Variants in SNTB1 observed in about 807,000 individuals in gnomAD.
SNTB1 encodes syntrophin beta 1.
A neutral mutation model predicts 48.9 loss-of-function variants in SNTB1; 36 were observed. That is an observed-to-expected ratio of 0.74 (90% CI 0.56 to 0.97). The LOEUF (loss-of-function observed/expected upper bound fraction) is 0.97, where lower values mean the gene tolerates loss of function less well. Ranked by LOEUF, SNTB1 falls within the 50% of genes least tolerant of loss-of-function variation. The probability of loss-of-function intolerance (pLI) is 0.00; values close to 1 mark genes in which losing one functional copy is unlikely to be tolerated. For missense variants in SNTB1, 786 were observed against 703.4 expected, an observed-to-expected ratio of 1.12 and a Z score of -1.33; for synonymous variants, 299 against 294.6, an observed-to-expected ratio of 1.01 and a Z score of -0.15.
intron 1 of SNTB1, among the ~76,000 whole-genome samples, chr8:120,759,597 G>A (rs1214551444): frequency 6.6e-6 from 1 of 152,154 alleles, no homozygotes; most frequent in Non-Finnish European, 1.5e-5. Context: ...CAGTTCTCAG[G>A]AAGCGCAATA....
intron 4 of SNTB1, among the ~76,000 whole-genome samples, chr8:120,568,935 T>G (rs1815797075): frequency 6.6e-6 from 1 of 152,222 alleles, no homozygotes; most frequent in African/African-American, 2.4e-5. Flanking sequence ...GCTTTATGGT[T>G]GCATCATAGA....
intron 1 of SNTB1, among the ~76,000 whole-genome samples, chr8:120,777,469 T>C (rs753704827): frequency 6.6e-6 from 1 of 152,184 alleles, no homozygotes; most frequent in African/African-American, 2.4e-5. Flanking sequence ...GATTTTGGGT[T>C]TGAACATCTC....
At chr8:120,624,642 A>G (rs1341470681) in intron 3 of SNTB1, among the ~76,000 whole-genome samples, 3 of 152,144 alleles carry the variant, frequency 2.0e-5, no homozygotes, top group Admixed American at 2.0e-4. Flanking sequence ...CATGCAAAAT[A>G]TATTCATTCC....
At chr8:120,559,941 GAA>G (rs11353689) in intron 4 of SNTB1, among the ~76,000 whole-genome samples, 9 of 150,090 alleles carry the variant, frequency 6.0e-5, no homozygotes, top group East Asian at 2.0e-4. Flanking sequence ...ACAAAAAAAA[GAA>G]AAAAAAAACA....
In SNTB1 at chr8:120,609,420, AG is replaced by A. The variant is rs530560733; in HGVS notation, c.996+23023del. ...GGGGATCAAATGACCACCTACCAGC[AG>A]TAATCCTGCCACCAGGCAGCAGGGG... is the stretch of plus-strand genomic sequence containing the variant. On this transcript the variant is annotated intron_variant, in intron 3 of 6. Coordinates refer to ENST00000517992, the MANE Select transcript of SNTB1 (RefSeq NM_021021.4). Among the ~76,000 whole-genome samples the A allele has an allele frequency of 6.6e-5, 10 of 152,310 alleles. No homozygotes were observed. The South Asian group carries it at 2.1e-3, about 32-fold the overall frequency.
intron 1 of SNTB1, among the ~76,000 whole-genome samples, chr8:120,723,596 C>T (rs1000464664): frequency 2.0e-5 from 3 of 152,134 alleles, no homozygotes; most frequent in African/African-American, 4.8e-5. Context: ...GACACATATA[C>T]TGAAGCAGTG....
chr8:120,592,597 G>C (rs11784672), intron 3 of SNTB1, among the ~76,000 whole-genome samples: 1 of 151,942 alleles, frequency 6.6e-6, no homozygotes, highest in Admixed American at 6.6e-5. Flanking sequence ...CTATGTGCCA[G>C]ACACTGTGCT....
chr8:120,595,531 A>G (rs1816308990), intron 3 of SNTB1, among the ~76,000 whole-genome samples: 1 of 152,148 alleles, frequency 6.6e-6, no homozygotes, highest in African/African-American at 2.4e-5. Flanking sequence ...ATGGGCAACC[A>G]GGAGCCCTAG....
intron 2 of SNTB1, among the ~76,000 whole-genome samples, chr8:120,678,039 G>A (rs1817866887): frequency 6.6e-6 from 1 of 152,134 alleles, no homozygotes. Flanking sequence ...GGCCTTTATT[G>A]TGTGTTTCAT....
intron 2 of SNTB1, among the ~76,000 whole-genome samples, chr8:120,649,509 A>T (rs1188275992): frequency 7.1e-6 from 1 of 140,752 alleles, no homozygotes; most frequent in African/African-American, 2.7e-5. Context: ...CCACTTGAGG[A>T]GGCAGTCTGC....
chr8:120,783,377 T>C (rs948470327), intron 1 of SNTB1, among the ~76,000 whole-genome samples: 1 of 152,136 alleles, frequency 6.6e-6, no homozygotes, highest in Non-Finnish European at 1.5e-5. Context: ...ATGAAAGTTA[T>C]GTTATACATG....
intron 2 of SNTB1, among the ~76,000 whole-genome samples, chr8:120,634,448 A>G (rs1817040227): frequency 6.6e-6 from 1 of 152,214 alleles, no homozygotes; most frequent in South Asian, 2.1e-4. Context: ...AGAGAGGAAG[A>G]AGTAATTTAC....
intron 2 of SNTB1, among the ~76,000 whole-genome samples, chr8:120,655,760 T>G (rs1189685928): frequency 1.3e-5 from 2 of 152,224 alleles, no homozygotes; most frequent in African/African-American, 4.8e-5. Context: ...GAAGCCAGAA[T>G]CCAAGTTCCC....
chr8:120,606,820 C>T (rs1816529292), intron 3 of SNTB1, among the ~76,000 whole-genome samples: 1 of 152,114 alleles, frequency 6.6e-6, no homozygotes, highest in Non-Finnish European at 1.5e-5. Context: ...TAACAAGAAA[C>T]CACAAAAAAC....
chr8:120,675,808 A>G (rs1449977277), intron 2 of SNTB1, among the ~76,000 whole-genome samples: 1 of 152,176 alleles, frequency 6.6e-6, no homozygotes, highest in African/African-American at 2.4e-5. Context: ...CAGGGCACAG[A>G]GTTTCCTTTA....
chr8:120,622,853 T>A (rs1225136528), intron 3 of SNTB1, among the ~76,000 whole-genome samples: 1 of 152,220 alleles, frequency 6.6e-6, no homozygotes, highest in Non-Finnish European at 1.5e-5. Context: ...ACTCTAGCCT[T>A]ACCTGATGTG....
intron 1 of SNTB1, among the ~76,000 whole-genome samples, chr8:120,746,301 T>C (rs1819124160): frequency 6.6e-6 from 1 of 150,746 alleles, no homozygotes; most frequent in Admixed American, 6.6e-5. Flanking sequence ...CTTAATAACA[T>C]TTTTTTCTCT....
intron 1 of SNTB1, among the ~76,000 whole-genome samples, chr8:120,737,800 A>C (rs941023960): frequency 6.6e-6 from 1 of 152,150 alleles, no homozygotes; most frequent in Admixed American, 6.5e-5. Context: ...ATAATGTATA[A>C]TCCCATTTTT....
intron 2 of SNTB1, among the ~76,000 whole-genome samples, chr8:120,655,244 A>C (rs192424586): frequency 5.4e-4 from 83 of 152,390 alleles, no homozygotes; most frequent in African/African-American, 2.0e-3. Context: ...AGTAAAAAGA[A>C]GTATTCTTAT....
Sources: gnomAD v4.1 joint callset for allele counts (sites outside exome capture counted in the v4.1 genomes callset) on GRCh38, gnomAD v4.1.1 for gene constraint, MANE v1.5 for transcripts, NCBI Gene and HGNC (gene_info 2026-07-23, HGNC 2026-07-21) for gene names.